PRKD1: variants seen among roughly 807,000 people sequenced by gnomAD.
PRKD1 encodes protein kinase D1, also known as serine/threonine-protein kinase D1.
PRKD1 carries 63 observed loss-of-function variants against 95.9 expected under a neutral mutation model. The ratio of observed to expected loss-of-function variants is 0.66; its 90% confidence interval spans 0.54 to 0.81. The LOEUF is 0.81. Ranked by LOEUF, PRKD1 falls within the 30% of genes least tolerant of loss-of-function variation. The probability of loss-of-function intolerance (pLI) is 0.00; values close to 1 mark genes in which losing one functional copy is unlikely to be tolerated. For synonymous variants in PRKD1, 425 were observed against 423.1 expected, an observed-to-expected ratio of 1.00 and a Z score of -0.05; for missense variants, 1,048 against 1,165.3, an observed-to-expected ratio of 0.90 and a Z score of 1.47.
chr14:29,611,430 C>T (rs117852517), intron 13 of PRKD1, among the ~76,000 whole-genome samples: 3,332 of 150,648 alleles, frequency 0.022, 44 homozygotes, highest in Non-Finnish European at 0.034. Flanking sequence ...GGCATTAATG[C>T]TTGTATATGT....
chr14:29,615,956 T>C (rs754881231), intron 13 of PRKD1, among the ~76,000 whole-genome samples: 1 of 152,044 alleles, frequency 6.6e-6, no homozygotes, highest in Non-Finnish European at 1.5e-5. Flanking sequence ...AAAGTGGAGA[T>C]GTCCTAAGGA....
intron 1 of PRKD1, among the ~76,000 whole-genome samples, chr14:29,749,171 A>G (rs1458129186): frequency 6.6e-6 from 1 of 152,204 alleles, no homozygotes; most frequent in African/African-American, 2.4e-5. Flanking sequence ...CTTTTGCACA[A>G]CAGGACTTCA....
chr14:29,885,792 C>A (rs1231240585), intron 1 of PRKD1, among the ~76,000 whole-genome samples: 3 of 113,804 alleles, frequency 2.6e-5, no homozygotes, highest in East Asian at 2.9e-4. Flanking sequence ...CATGGTGAAA[C>A]CCCATCTTTA....
chr14:29,729,246 TG>T (rs978648321), intron 1 of PRKD1, among the ~76,000 whole-genome samples: 4 of 152,118 alleles, frequency 2.6e-5, no homozygotes, highest in Non-Finnish European at 5.9e-5. Flanking sequence ...TGTACAGACT[TG>T]GTATTATATC....
chr14:29,704,450 T>G (rs1455420490), intron 2 of PRKD1, among the ~76,000 whole-genome samples: 1 of 152,106 alleles, frequency 6.6e-6, no homozygotes, highest in Non-Finnish European at 1.5e-5. Flanking sequence ...CACATTACTA[T>G]CCTACTTTGA....
chr14:29,871,488 T>C (rs1199681173), intron 1 of PRKD1, among the ~76,000 whole-genome samples: 2 of 152,202 alleles, frequency 1.3e-5, no homozygotes, highest in Non-Finnish European at 2.9e-5. Flanking sequence ...TGAGTTCTTA[T>C]TTTGAATCTG....
At chr14:29,782,860 G>A (rs1222471552) in intron 1 of PRKD1, among the ~76,000 whole-genome samples, 2 of 152,012 alleles carry the variant, frequency 1.3e-5, no homozygotes, top group African/African-American at 2.4e-5. Context: ...GTTTTTTACT[G>A]CACATATCTG....
chr14:29,914,627 A>G (rs7150298), intron 1 of PRKD1, among the ~76,000 whole-genome samples: 21,252 of 152,072 alleles, frequency 0.14, 3,202 homozygotes, highest in African/African-American at 0.38. Context: ...CCAGCTACTC[A>G]GGAGGCTGAG....
At chr14:29,909,335 G>A (rs1894618272) in intron 1 of PRKD1, among the ~76,000 whole-genome samples, 1 of 121,634 alleles carries the variant, frequency 8.2e-6, no homozygotes, top group South Asian at 2.9e-4. Context: ...CCTCCCCAGT[G>A]AGTGCCATCC....
intron 16 of PRKD1, among the ~76,000 whole-genome samples, chr14:29,587,388 T>C (rs1892972540): frequency 6.6e-6 from 1 of 152,204 alleles, no homozygotes; most frequent in African/African-American, 2.4e-5. Context: ...CAGAATATTT[T>C]TGTTGATCCT....
chr14:29,679,173 A>G (rs1594421074), intron 2 of PRKD1, among the ~76,000 whole-genome samples: 1 of 152,268 alleles, frequency 6.6e-6, no homozygotes, highest in Admixed American at 6.5e-5. Flanking sequence ...AAGAAAATTT[A>G]TCTGATAATA....
chr14:29,686,607 T>A (rs1883886671), intron 2 of PRKD1, among the ~76,000 whole-genome samples: 1 of 152,166 alleles, frequency 6.6e-6, no homozygotes, highest in Non-Finnish European at 1.5e-5. Flanking sequence ...AGAACGCCAG[T>A]TCTTAGATTC....
chr14:29,916,896 G>A (rs73243943), intron 1 of PRKD1, among the ~76,000 whole-genome samples: 5,073 of 152,108 alleles, frequency 0.033, 286 homozygotes, highest in African/African-American at 0.11. Flanking sequence ...CCTTAAGTGT[G>A]TTCCTCCCTA....
At chr14:29,584,141 A>G (rs1334464555) in intron 16 of PRKD1, among the ~76,000 whole-genome samples, 3 of 152,226 alleles carry the variant, frequency 2.0e-5, no homozygotes, top group Non-Finnish European at 4.4e-5. Flanking sequence ...ATATGAAAAG[A>G]AGCATTCCAT....
chr14:29,909,508 C>G (rs547341550), intron 1 of PRKD1, among the ~76,000 whole-genome samples: 1 of 152,304 alleles, frequency 6.6e-6, no homozygotes, highest in South Asian at 2.1e-4. Flanking sequence ...ACCTTTATGT[C>G]TAGCTAAGGG....
chr14:29,711,273 A>G (rs1885322916), intron 2 of PRKD1, among the ~76,000 whole-genome samples: 1 of 152,158 alleles, frequency 6.6e-6, no homozygotes, highest in Admixed American at 6.6e-5. Flanking sequence ...AAGAGAGGCC[A>G]GGACTATGCT....
intron 2 of PRKD1, among the ~76,000 whole-genome samples, chr14:29,671,062 T>C (rs571485348): frequency 1.2e-4 from 18 of 151,854 alleles, no homozygotes; most frequent in African/African-American, 2.9e-4. Context: ...TCAGAGATCA[T>C]AGTAGCCAAG....
intron 13 of PRKD1, among the ~76,000 whole-genome samples, chr14:29,623,407 G>A (rs142363277): frequency 1.3e-3 from 205 of 152,216 alleles, no homozygotes; most frequent in African/African-American, 4.6e-3. Context: ...AAAATTGTCC[G>A]TTAAAACTGG....
intron 2 of PRKD1, among the ~76,000 whole-genome samples, chr14:29,711,622 C>T (rs904285019): frequency 2.6e-5 from 4 of 152,038 alleles, no homozygotes; most frequent in Non-Finnish European, 4.4e-5. Context: ...AATCTTAAAT[C>T]GCCAAGCAAA....
Sources: gnomAD v4.1 joint callset for allele counts (sites outside exome capture counted in the v4.1 genomes callset) on GRCh38, gnomAD v4.1.1 for gene constraint, MANE v1.5 for transcripts, NCBI Gene and HGNC (gene_info 2026-07-23, HGNC 2026-07-21) for gene names.